GPR108: variants seen among roughly 807,000 people sequenced by gnomAD.
The protein encoded by GPR108 is G protein-coupled receptor 108.
A neutral mutation model predicts 74.3 loss-of-function variants in GPR108; 60 were observed. The ratio of observed to expected loss-of-function variants is 0.81; its 90% CI spans 0.66 to 1.00. GPR108 has a LOEUF of 1.00. Among genes scored for constraint, GPR108 ranks in the 50% least tolerant of loss-of-function variants. GPR108 has a pLI of 0.00. For missense variants in GPR108, 667 were observed against 703.3 expected (o/e 0.95, Z 0.58); for synonymous variants, 311 against 292.4 (o/e 1.06, Z -0.65).
At chr19:6,736,542 C>T (rs1007776396) in intron 2 of GPR108, 50 bp downstream of exon 2, 122 of 1,572,536 alleles carry the variant, frequency 7.8e-5, no homozygotes, top group Non-Finnish European at 9.5e-5. Context: ...AACCCAGAAC[C>T]GGGGGATTGC....
chr19:6,730,057 G>A lies in GPR108; in HGVS notation c.*255C>T, dbSNP rs563707216. 3.4e-5 allele frequency: 18 copies of A among 525,760 alleles called. No individual in the cohort carries two copies. The South Asian group carries it at 3.9e-4, about 11-fold the overall frequency. The allele number at this position is 525,760 out of a possible 1,614,324, so 32.6% of individuals were successfully genotyped here. A position where few individuals can be genotyped will look rare whatever the true frequency, so the allele number is the denominator to read the frequency against. ...CCCAAAAAGGCAAGACAACGGCGTAGCCAAACAGATTGGTCATTATTGTAC... is the reference window on the plus strand; with the variant it reads ...CCCAAAAAGGCAAGACAACGGCGTAACCAAACAGATTGGTCATTATTGTAC... On this transcript the variant is annotated 3_prime_UTR_variant, in exon 18 of 18. Coordinates refer to ENST00000264080, the MANE Select transcript of GPR108 (RefSeq NM_001080452.2).
intron 10 of GPR108, 32 bp from the exon 11 acceptor site, chr19:6,732,581 C>T (rs373331150): frequency 1.5e-4 from 233 of 1,554,252 alleles, no homozygotes; most frequent in Non-Finnish European, 1.8e-4. Flanking sequence ...GACAGTGAGG[C>T]GCACAGAGGG....
intron 15 of GPR108, 35 bp from the exon 16 acceptor site, chr19:6,731,317 G>T (rs376195389): frequency 3.9e-5 from 60 of 1,527,660 alleles, no homozygotes; most frequent in Non-Finnish European, 5.2e-5. Context: ...GGCCAGGACT[G>T]TAGGGGCACG....
Position 6,730,188 on chromosome 19 carries a change from TC to T in GPR108, c.*123del, listed in dbSNP as rs759836049. 2.3e-6 allele frequency: 2 copies of T among 884,306 alleles called. No homozygotes were observed. The highest frequency in any genetic ancestry group is 3.7e-6 in the Non-Finnish European group (2 of 539,628). 54.8% of individuals were successfully genotyped at this position (884,306 alleles called of 1,614,324 possible). On this transcript the variant is annotated 3_prime_UTR_variant, in exon 18 of 18. Transcript: ENST00000264080. ...AAATGGGCTTGTCCGGGAACCGGGG[TC>T]CCGGGGAGCTGGGCGCCTGGTCCAC...
chr19:6,737,269 C>T, intron 1 of GPR108, 188 bp downstream of exon 1: 1 of 727,762 alleles, frequency 1.4e-6, no homozygotes, highest in Non-Finnish European at 2.1e-6. Context: ...GAGGCGGACC[C>T]GGCAACTCCA....
At chr19:6,735,506 G>GT in intron 4 of GPR108, 116 bp downstream of exon 4, 1 of 870,884 alleles carries the variant, frequency 1.1e-6, no homozygotes, top group Non-Finnish European at 1.8e-6. Flanking sequence ...AAACTAAAAA[G>GT]TAAGTGGCTT....
Position 6,735,706 on chromosome 19 carries a change from TG to T in GPR108, c.292-3del, listed in dbSNP as rs771062979. ...AGGGCAGTCCTGGAAATCCCGGGTC[TG>T]GGGGGTGGGCAGGAGGGAGTGAGTC... On this transcript the variant is annotated splice_region_variant and splice_polypyrimidine_tract_variant and intron_variant, in intron 3 of 17. Coordinates refer to ENST00000264080, the MANE Select transcript of GPR108 (RefSeq NM_001080452.2). The T allele has an allele frequency of 5.6e-6, 9 of 1,613,496 alleles. No homozygotes were observed. Among genetic ancestry groups the T allele is most frequent in the Non-Finnish European group, 6.8e-6 (8 of 1,179,626 alleles).
At chr19:6,731,754 G>T in intron 14 of GPR108, 137 bp downstream of exon 14, 2 of 1,042,098 alleles carry the variant, frequency 1.9e-6, no homozygotes, top group Non-Finnish European at 2.8e-6. Context: ...GGAAAGAGAG[G>T]CCAGACTGGG....
At chr19:6,732,904 C>T (rs887781020) in intron 10 of GPR108, 83 bp downstream of exon 10, 19 of 1,295,652 alleles carry the variant, frequency 1.5e-5, no homozygotes, top group Non-Finnish European at 1.9e-5. Flanking sequence ...CTCCCACAGG[C>T]CCAGGGTCTG....
rs758506708 is a variant in GPR108 at position 6,731,519 on chromosome 19, G to A, written c.1304C>T (p.Ala435Val). The A allele has an allele frequency of 2.1e-6, 3 of 1,460,208 alleles. No homozygotes were observed. The highest frequency in any genetic ancestry group is 2.7e-6 in the Non-Finnish European group (3 of 1,099,206). The allele number at this position is 1,460,208 out of a possible 1,614,324, so 90.5% of individuals were successfully genotyped here. The change falls in exon 15 of 18, where the codon GCA (alanine) becomes GTA (valine). Residue 435 changes from alanine to valine, a missense_variant. By Grantham distance (64) the Ala-to-Val change is moderately conservative. Coordinates refer to ENST00000264080, the MANE Select transcript of GPR108 (RefSeq NM_001080452.2). Reference protein sequence around the residue: ...QDASGTDGKVAVNLAKLKLFR... With the variant: ...QDASGTDGKVVVNLAKLKLFR... ...CAGCTTCAGCTTGGCCAGGTTCACT[G>A]CCACTGAGGGTGGGCACAGAGAGGG...
At chr19:6,733,391 C>T in intron 8 of GPR108, 90 bp from the exon 9 acceptor site, 2 of 1,415,926 alleles carry the variant, frequency 1.4e-6, no homozygotes, top group Non-Finnish European at 1.9e-6. Flanking sequence ...AGCTCTCTCA[C>T]TTTCTACTGG....
rs747599679 is a variant in GPR108 at position 6,732,562 on chromosome 19, G to A, written c.934-13C>T. ...AGTAGTAGTTGATCTGGGGGTGGATGGACAGACGGACAGTGAGGCGCACAG... is the reference window on the plus strand; with the variant it reads ...AGTAGTAGTTGATCTGGGGGTGGATAGACAGACGGACAGTGAGGCGCACAG... On this transcript the variant is annotated splice_polypyrimidine_tract_variant and intron_variant, in intron 10 of 17. Transcript: ENST00000264080. 14 of 1,609,548 alleles carry A rather than the reference G, an allele frequency of 8.7e-6. No homozygotes were observed. Among genetic ancestry groups the A allele is most frequent in the Non-Finnish European group, 1.1e-5 (13 of 1,176,794 alleles).
chr19:6,737,340 C>A, intron 1 of GPR108, 117 bp downstream of exon 1: 1 of 1,288,092 alleles, frequency 7.8e-7, no homozygotes, highest in Non-Finnish European at 1.0e-6. Flanking sequence ...CGGGGGGCGC[C>A]GGACCACTCC....
In GPR108 at chr19:6,731,494, C is replaced by G. The variant is rs1014674130; in HGVS notation, c.1329G>C (p.Leu443=). 6.7e-7 allele frequency: 1 copy of G among 1,493,442 alleles called. No individual in the cohort carries two copies. Among genetic ancestry groups the G allele is most frequent in the Non-Finnish European group, 9.0e-7 (1 of 1,115,096 alleles). 92.5% of individuals were successfully genotyped at this position (1,493,442 alleles called of 1,614,324 possible). A position where few individuals can be genotyped will look rare whatever the true frequency, so the allele number is the denominator to read the frequency against. Residue 443 remains leucine, a synonymous_variant, in exon 15 of 18, where the codon CTG becomes CTC. Transcript: ENST00000264080. ...KVAVNLAKLK[L]FRHYYVMVIC... is the part of the protein sequence containing the mutation. The stretch of plus-strand genomic sequence containing the variant: ...CTACCATGACATAGTAATGCCGGAA[C>G]AGCTTCAGCTTGGCCAGGTTCACTG...
At chr19:6,733,414 C>T (rs1968503043) in intron 8 of GPR108, 113 bp from the exon 9 acceptor site, 2 of 1,312,308 alleles carry the variant, frequency 1.5e-6, no homozygotes. Flanking sequence ...CACTCATCCA[C>T]TCTGAGCCTC....
At chr19:6,735,861 C>G (rs773823290) in intron 3 of GPR108, 47 bp downstream of exon 3, 19 of 1,588,008 alleles carry the variant, frequency 1.2e-5, no homozygotes, top group East Asian at 9.1e-5. Flanking sequence ...AGACCCTACC[C>G]CCTCCCTCCA....
At chr19:6,735,587 G>C in intron 4 of GPR108, 35 bp downstream of exon 4, 1 of 1,579,352 alleles carries the variant, frequency 6.3e-7, no homozygotes, top group Non-Finnish European at 8.7e-7. Flanking sequence ...AAACGCAGAC[G>C]AAGGATCTGA....
At position 6,733,639 on chromosome 19, in the gene GPR108, G is replaced by GC; in HGVS notation, c.653dup (p.Gln219ProfsTer145). On this transcript the variant is annotated frameshift_variant, in exon 8 of 18. Coordinates refer to ENST00000264080, the MANE Select transcript of GPR108 (RefSeq NM_001080452.2). LOFTEE classifies it high-confidence loss of function. ...AGTTGTGGAAGTTCAGGCTGTACTG[G>GC]CCTTCTTCCGCCTGAGAGCCGATCA... The GC allele has an allele frequency of 6.2e-7, 1 of 1,614,144 alleles. No homozygotes were observed. The highest frequency in any genetic ancestry group is 8.5e-7 in the Non-Finnish European group (1 of 1,180,004).
At chr19:6,734,848 C>CATCATCATT (rs1555690407) in intron 4 of GPR108, among the ~76,000 whole-genome samples, 5 of 139,724 alleles carry the variant, frequency 3.6e-5, no homozygotes, top group South Asian at 4.8e-4. Flanking sequence ...GCCAGCCCTA[C>CATCATCATT]ATTATTATTA....
Sources: gnomAD v4.1 joint callset for allele counts (sites outside exome capture counted in the v4.1 genomes callset) on GRCh38, gnomAD v4.1.1 for gene constraint, MANE v1.5 for transcripts, NCBI Gene and HGNC (gene_info 2026-07-23, HGNC 2026-07-21) for gene names.